The following ZNF407 variants were observed in gnomAD, a reference collection of about 807,000 sequenced individuals.
ZNF407 encodes the protein zinc finger protein 407.
ZNF407 carries 17 observed loss-of-function variants against 131.2 expected under a neutral mutation model. That is an observed-to-expected ratio of 0.13 (90% CI 0.09 to 0.19). ZNF407 has a LOEUF of 0.19. Ranked by LOEUF, ZNF407 falls within the 10% of genes least tolerant of loss-of-function variation. ZNF407 has a pLI of 1.00. For synonymous variants in ZNF407, 1,156 were observed against 1,062.0 expected (o/e 1.09, Z -1.72); for missense variants, 2,681 against 2,830.6 (o/e 0.95, Z 1.20).
At chr18:74,823,256 CAT>C (rs1318301147) in intron 4 of ZNF407, among the ~76,000 whole-genome samples, 1 of 152,182 alleles carries the variant, frequency 6.6e-6, no homozygotes, top group African/African-American at 2.4e-5. Flanking sequence ...ACTGCAAAAA[CAT>C]AGGAAATTGT....
At chr18:74,612,964 T>A (rs1983129204) in intron 1 of ZNF407, among the ~76,000 whole-genome samples, 1 of 152,240 alleles carries the variant, frequency 6.6e-6, no homozygotes, top group African/African-American at 2.4e-5. Flanking sequence ...TTACGTCCTT[T>A]TTTAAAAATC....
chr18:75,001,212 G>C (rs944604215), intron 8 of ZNF407, among the ~76,000 whole-genome samples: 1 of 152,112 alleles, frequency 6.6e-6, no homozygotes, highest in Non-Finnish European at 1.5e-5. Context: ...TTGAAGTGCC[G>C]ACTGTAACAA....
chr18:74,633,042 A>C lies in ZNF407; in HGVS notation c.2023A>C (p.Met675Leu), dbSNP rs749053575. The C allele has an allele frequency of 3.7e-6, 6 of 1,613,828 alleles. No homozygotes were observed. Among genetic ancestry groups the C allele is most frequent in the Non-Finnish European group, 5.1e-6 (6 of 1,179,904 alleles). The change falls in exon 2 of 9, where the codon ATG becomes CTG. Residue 675 changes from methionine to leucine, a missense_variant. Met to Leu is a conservative substitution (Grantham distance 15). Transcript: ENST00000299687. ...AGAATCAGAAAACGCAAAAGAGTCT[A>C]TGGATGACTCAGGAAAAGCATCTCA... Reference protein sequence around the residue: ...TLESENAKESMDDSGKASQEE... With the variant: ...TLESENAKESLDDSGKASQEE...
intron 7 of ZNF407, among the ~76,000 whole-genome samples, chr18:74,899,996 G>A (rs1015215662): frequency 1.4e-4 from 22 of 152,202 alleles, no homozygotes; most frequent in African/African-American, 3.9e-4. Context: ...GCAGGTAGAC[G>A]GATGCGTGCT....
intron 8 of ZNF407, among the ~76,000 whole-genome samples, chr18:74,926,078 G>A (rs2145249192): frequency 6.6e-6 from 1 of 152,154 alleles, no homozygotes; most frequent in East Asian, 1.9e-4. Context: ...TCATCCTTGG[G>A]TTAATTTACT....
intron 3 of ZNF407, among the ~76,000 whole-genome samples, chr18:74,695,062 T>A (rs1161673561): frequency 6.6e-6 from 1 of 152,240 alleles, no homozygotes; most frequent in African/African-American, 2.4e-5. Flanking sequence ...TCTGATTTCC[T>A]TTTGAAATTC....
intron 4 of ZNF407, among the ~76,000 whole-genome samples, chr18:74,827,851 T>A (rs1392340913): frequency 2.0e-5 from 3 of 152,214 alleles, no homozygotes; most frequent in African/African-American, 7.2e-5. Context: ...TACCACCAAT[T>A]CCAATTCTGA....
At chr18:74,689,027 C>T (rs981102306) in intron 3 of ZNF407, among the ~76,000 whole-genome samples, 1 of 152,036 alleles carries the variant, frequency 6.6e-6, no homozygotes, top group Non-Finnish European at 1.5e-5. Context: ...GGGGTTTCAC[C>T]CTGTTGGCCA....
At chr18:74,815,546 A>T (rs1970256359) in intron 4 of ZNF407, among the ~76,000 whole-genome samples, 1 of 152,194 alleles carries the variant, frequency 6.6e-6, no homozygotes, top group African/African-American at 2.4e-5. Flanking sequence ...TACACTAGCA[A>T]TATGGGATAT....
chr18:74,769,234 T>C (rs1346863983), intron 3 of ZNF407, among the ~76,000 whole-genome samples: 6 of 152,244 alleles, frequency 3.9e-5, no homozygotes, highest in African/African-American at 1.4e-4. Flanking sequence ...TATGGCCTAC[T>C]GTCAAATGAT....
rs1252224537 is a variant in ZNF407, at chr18:74,931,313, G to A, written c.5428+10621G>A. ...ATATTTTGCAAATCTATCTGGTAAGGGACTTGTATCCAGAATATACATAAA... is the reference window on the plus strand; with the variant it reads ...ATATTTTGCAAATCTATCTGGTAAGAGACTTGTATCCAGAATATACATAAA... On this transcript the variant is annotated intron_variant, in intron 8 of 8. Coordinates refer to ENST00000299687, the MANE Select transcript of ZNF407 (RefSeq NM_017757.3). 3.3e-5 allele frequency among the ~76,000 whole-genome samples: 5 copies of A among 152,026 alleles called. No homozygotes were observed. The East Asian group carries it at 9.6e-4, about 29-fold the overall frequency.
intron 8 of ZNF407, among the ~76,000 whole-genome samples, chr18:74,925,782 C>T (rs1037740888): frequency 6.6e-6 from 1 of 152,162 alleles, no homozygotes; most frequent in African/African-American, 2.4e-5. Flanking sequence ...TAAAAAGGAA[C>T]GAAATTTTTC....
intron 8 of ZNF407, among the ~76,000 whole-genome samples, chr18:75,038,240 C>G (rs1333708502): frequency 6.6e-6 from 1 of 152,188 alleles, no homozygotes; most frequent in Non-Finnish European, 1.5e-5. Context: ...TATTTAAACC[C>G]ATGTTCATTG....
intron 3 of ZNF407, among the ~76,000 whole-genome samples, chr18:74,768,433 G>A (rs760647031): frequency 3.3e-5 from 5 of 152,188 alleles, no homozygotes; most frequent in Non-Finnish European, 5.9e-5. Context: ...ATGTAAATGT[G>A]GAAATCCCTT....
chr18:74,745,921 A>G (rs1026582585), intron 3 of ZNF407, among the ~76,000 whole-genome samples: 3 of 152,132 alleles, frequency 2.0e-5, no homozygotes, highest in African/African-American at 7.2e-5. Context: ...TCTCTTCTTT[A>G]TTAGTTGGTT....
At chr18:74,850,656 G>T (rs1970769503) in intron 4 of ZNF407, among the ~76,000 whole-genome samples, 1 of 152,154 alleles carries the variant, frequency 6.6e-6, no homozygotes, top group African/African-American at 2.4e-5. Context: ...GATGCTTTCA[G>T]TTCCTTTCAG....
chr18:75,035,763 C>T (rs371967646), intron 8 of ZNF407, among the ~76,000 whole-genome samples: 8 of 151,878 alleles, frequency 5.3e-5, no homozygotes, highest in Non-Finnish European at 1.2e-4. Context: ...GCGTCCGCCT[C>T]GCCTCTGGAA....
At chr18:74,628,415 C>T (rs756420843) in intron 1 of ZNF407, among the ~76,000 whole-genome samples, 5 of 152,088 alleles carry the variant, frequency 3.3e-5, no homozygotes, top group Admixed American at 1.3e-4. Context: ...CCTGCCTACC[C>T]GCAGCCCTGA....
intron 8 of ZNF407, among the ~76,000 whole-genome samples, chr18:74,951,133 A>G (rs761078569): frequency 2.0e-5 from 3 of 152,172 alleles, no homozygotes; most frequent in Non-Finnish European, 4.4e-5. Flanking sequence ...TATGACCACT[A>G]CTACTGTGAT....
Sources: allele counts gnomAD v4.1 joint callset (sites outside exome capture counted in the v4.1 genomes callset), GRCh38; gene constraint gnomAD v4.1.1; transcripts MANE v1.5; gene names NCBI Gene and HGNC (gene_info 2026-07-23, HGNC 2026-07-21).